Variants in FLOT1 observed in about 807,000 individuals in gnomAD.
The protein encoded by FLOT1 is flotillin 1.
A neutral mutation model predicts 58.4 loss-of-function variants in FLOT1; 40 were observed. That is an observed-to-expected ratio of 0.69 (90% confidence interval 0.53 to 0.89). FLOT1 has a LOEUF of 0.89. Among genes scored for constraint, FLOT1 ranks in the 40% least tolerant of loss-of-function variants. The pLI is 0.00. For missense variants in FLOT1, 423 were observed against 540.8 expected, an observed-to-expected ratio of 0.78 and a Z score of 2.16; for synonymous variants, 178 against 204.2, an observed-to-expected ratio of 0.87 and a Z score of 1.09.
At chr6:30,730,341 T>C in intron 11 of FLOT1, 87 bp downstream of exon 11, 1 of 1,505,276 alleles carries the variant, frequency 6.6e-7, no homozygotes, top group South Asian at 1.3e-5. Context: ...CCCCCTAGGC[T>C]GTTTCTCCCT....
Position 30,742,577 on chromosome 6 carries a change from C to A in FLOT1, c.-65G>T. ...GCTGGGGTCTCGGGAAGGGCGGGGTCGCGCAGGGACCTGGGAGCCGGGCAG... is the reference window on the plus strand; with the variant it reads ...GCTGGGGTCTCGGGAAGGGCGGGGTAGCGCAGGGACCTGGGAGCCGGGCAG... On this transcript the variant is annotated 5_prime_UTR_variant, in exon 1 of 13. Transcript: ENST00000376389. The surrounding 1 kb of genome is among the most constrained non-coding windows in gnomAD (Gnocchi z 5.2). 1 of 258,346 alleles carries A rather than the reference C, an allele frequency of 3.9e-6. No homozygotes were observed. The highest frequency in any genetic ancestry group is 9.7e-5 in the East Asian group (1 of 10,270). 16.0% of individuals were successfully genotyped at this position (258,346 alleles called of 1,614,324 possible). A position where few individuals can be genotyped will look rare whatever the true frequency, so the allele number is the denominator to read the frequency against.
rs1451765688 is a variant in FLOT1 at position 30,737,234 on chromosome 6, G to GTCCATCCATCCA, written c.723+2923_723+2924insTGGATGGATGGA. On this transcript the variant is annotated intron_variant, in intron 8 of 12. Transcript: ENST00000376389. This position sits in a 1 kb window ranked among gnomAD's most constrained non-coding sequence, Gnocchi z 4.4. The stretch of plus-strand genomic sequence containing the variant: ...CGTCCGTCCGTCCGTCCGTCCGTCC[G>GTCCATCCATCCA]TCCGTCCGTCCGTCCATCCGTCCAT... Among the ~76,000 whole-genome samples, 203 of 106,048 alleles carry GTCCATCCATCCA rather than the reference G, an allele frequency of 1.9e-3. 1 individual carries two copies. The highest frequency in any genetic ancestry group is 6.1e-3 in the Admixed American group (63 of 10,320). The allele number at this position is 106,048 out of a possible 152,430, so 69.6% of individuals were successfully genotyped here. A position where few individuals can be genotyped will look rare whatever the true frequency, so the allele number is the denominator to read the frequency against.
chr6:30,737,752 C>G lies in FLOT1; in HGVS notation c.723+2406G>C, dbSNP rs1777699009. On this transcript the variant is annotated intron_variant, in intron 8 of 12. Coordinates refer to ENST00000376389, the MANE Select transcript of FLOT1 (RefSeq NM_005803.4). The surrounding 1 kb of genome is among the most constrained non-coding windows in gnomAD (Gnocchi z 4.4). Reference sequence around the variant, plus strand: ...ATCACCCTGTTTATTTCCTTCACAGCACCTAAACAAGAATTATAGCCTGGG... The same window carrying G: ...ATCACCCTGTTTATTTCCTTCACAGGACCTAAACAAGAATTATAGCCTGGG... Among the ~76,000 whole-genome samples the G allele has an allele frequency of 6.6e-6, 1 of 152,168 alleles. No individual in the cohort carries two copies. Among genetic ancestry groups the G allele is most frequent in the Non-Finnish European group, 1.5e-5 (1 of 68,030 alleles).
chr6:30,731,321 C>T (rs1036515869), intron 8 of FLOT1, among the ~76,000 whole-genome samples: 1 of 151,968 alleles, frequency 6.6e-6, no homozygotes, highest in Non-Finnish European at 1.5e-5. Flanking sequence ...CCTGTCTCTA[C>T]TAAAATACAA....
chr6:30,741,535 TG>T lies in FLOT1; in HGVS notation c.210+78del. On this transcript the variant is annotated intron_variant, in intron 4 of 12. Coordinates refer to ENST00000376389, the MANE Select transcript of FLOT1 (RefSeq NM_005803.4). The surrounding 1 kb of genome is among the most constrained non-coding windows in gnomAD (Gnocchi z 5.9). Reference sequence around the variant, plus strand: ...CTGCAGGCAAGGGTTGAGAAGACTGTGGCCAGAAGATGTCTTAATGTCTGGG... The same window carrying T: ...CTGCAGGCAAGGGTTGAGAAGACTGTGCCAGAAGATGTCTTAATGTCTGGG... The T allele has an allele frequency of 7.5e-7, 1 of 1,326,440 alleles. No homozygotes were observed. The highest frequency in any genetic ancestry group is 1.1e-6 in the Non-Finnish European group (1 of 922,218). 82.2% of individuals were successfully genotyped at this position (1,326,440 alleles called of 1,614,324 possible). A position where few individuals can be genotyped will look rare whatever the true frequency, so the allele number is the denominator to read the frequency against.
rs1421520459 is a variant in FLOT1, at chr6:30,740,600, G to A, written c.475-9C>T. The stretch of plus-strand genomic sequence containing the variant: ...AAAGAGTGCAAATAGTCCTGTGGGA[G>A]AGATGTAGAAATTAGTCCTTTGGAG... On this transcript the variant is annotated splice_polypyrimidine_tract_variant and intron_variant, in intron 6 of 12. Transcript: ENST00000376389. 5.0e-6 allele frequency: 8 copies of A among 1,612,896 alleles called. No homozygotes were observed. In the Admixed American group the frequency reaches 5.0e-5, roughly 10 times the overall value.
rs1776835348 is a variant in FLOT1 at position 30,727,815 on chromosome 6, T to C, written c.*301A>G. ...TCCCTCAGTCTTGGTCAGGAAAATA[T>C]TCTAGACAACAGGCTCAAACAGTCT... is the stretch of plus-strand genomic sequence containing the variant. On this transcript the variant is annotated 3_prime_UTR_variant, in exon 13 of 13. Transcript: ENST00000376389. 1 of 545,416 alleles carries C rather than the reference T, an allele frequency of 1.8e-6. No homozygotes were observed. The highest frequency in any genetic ancestry group is 1.9e-5 in the African/African-American group (1 of 53,186). 33.8% of individuals were successfully genotyped at this position (545,416 alleles called of 1,614,324 possible).
chr6:30,736,988 C>T (rs186673929), intron 8 of FLOT1, among the ~76,000 whole-genome samples: 1 of 152,094 alleles, frequency 6.6e-6, no homozygotes, highest in Non-Finnish European at 1.5e-5. Flanking sequence ...TGAAGTTCTC[C>T]AATAGCTTTC....
intron 8 of FLOT1, among the ~76,000 whole-genome samples, chr6:30,735,409 C>T (rs931180591): frequency 6.7e-6 from 1 of 149,338 alleles, no homozygotes; most frequent in Non-Finnish European, 1.5e-5. Context: ...GCTAGCAGTT[C>T]GAGACCAGCC....
At chr6:30,735,553 C>T (rs1373703958) in intron 8 of FLOT1, among the ~76,000 whole-genome samples, 1 of 151,542 alleles carries the variant, frequency 6.6e-6, no homozygotes, top group Non-Finnish European at 1.5e-5. Context: ...TCATTTGAAC[C>T]CAGGAGGCAG....
Position 30,740,296 on chromosome 6 carries a change from C to G in FLOT1, c.585G>C (p.Lys195Asn). The part of the protein sequence containing the change: ...RDAGIREAKA[K>N]QEKVSAQYLS... ...GGTACTGAGCAGACACCTTTTCCTG[C>G]TTGGCTTTAGCTTCCTGTCCAAGCA... The change falls in exon 8 of 13, where the codon AAG becomes AAC. Residue 195 changes from lysine (K) to asparagine (N), a missense_variant. This residue lies in a region of FLOT1 where 137 missense variants were observed against 194.6 expected (regional missense o/e 0.70). Coordinates refer to ENST00000376389, the MANE Select transcript of FLOT1 (RefSeq NM_005803.4). 1 of 1,613,010 alleles carries G rather than the reference C, an allele frequency of 6.2e-7. No homozygotes were observed. The highest frequency in any genetic ancestry group is 8.5e-7 in the Non-Finnish European group (1 of 1,180,012).
intron 5 of FLOT1, 189 bp from the exon 6 acceptor site, chr6:30,740,987 A>T (rs753781500): frequency 3.1e-5 from 33 of 1,077,888 alleles, no homozygotes; most frequent in Non-Finnish European, 4.3e-5. Flanking sequence ...GGGTTTCACC[A>T]GGTTGGCTAG....
In FLOT1 at chr6:30,740,289, T is replaced by C; in HGVS notation, c.592A>G (p.Lys198Glu). 4 of 1,613,024 alleles carry C rather than the reference T, an allele frequency of 2.5e-6. No homozygotes were observed. The highest frequency in any genetic ancestry group is 3.4e-6 in the Non-Finnish European group (4 of 1,180,022). Residue 198 changes from lysine to glutamate, a missense_variant, in exon 8 of 13, where the codon AAG becomes GAG. Lys to Glu is a moderately conservative substitution (Grantham distance 56). Transcript: ENST00000376389. The stretch of plus-strand genomic sequence containing the variant: ...TCACTCAGGTACTGAGCAGACACCT[T>C]TTCCTGCTTGGCTTTAGCTTCCTGT... ...GIREAKAKQE[K>E]VSAQYLSEIE...
chr6:30,729,260 G>A (rs977851315), intron 12 of FLOT1, among the ~76,000 whole-genome samples: 2 of 151,142 alleles, frequency 1.3e-5, no homozygotes, highest in African/African-American at 4.9e-5. Context: ...TGTATTTTTA[G>A]TAAAGATGGT....
Position 30,740,506 on chromosome 6 carries a change from G to C in FLOT1, c.560C>G (p.Ala187Gly). 1 of 1,612,626 alleles carries C rather than the reference G, an allele frequency of 6.2e-7. No homozygotes were observed. Among genetic ancestry groups the C allele is most frequent in the African/African-American group, 1.3e-5 (1 of 75,010 alleles). ...CCCCATCTCTCTCACCCGGATCCCA[G>C]CATCTCTCTTGGCCTCTGCTTCTCC... ...RIGEAEAKRDAGIREAKAKQE... is the reference protein window; with the variant it reads ...RIGEAEAKRDGGIREAKAKQE... Residue 187 changes from alanine to glycine, a missense_variant, in exon 7 of 13, where the codon GCT (alanine) becomes GGT (glycine). Ala to Gly is a moderately conservative substitution (Grantham distance 60). This residue lies in a region of FLOT1 where 137 missense variants were observed against 194.6 expected (regional missense o/e 0.70). Transcript: ENST00000376389.
At chr6:30,735,132 T>G (rs1777475272) in intron 8 of FLOT1, among the ~76,000 whole-genome samples, 1 of 152,160 alleles carries the variant, frequency 6.6e-6, no homozygotes, top group Non-Finnish European at 1.5e-5. Context: ...TCTGATCTCT[T>G]TTTTGGAAGA....
intron 12 of FLOT1, among the ~76,000 whole-genome samples, chr6:30,729,535 T>G (rs1160567334): frequency 6.6e-6 from 1 of 152,220 alleles, no homozygotes; most frequent in African/African-American, 2.4e-5. Flanking sequence ...GTTGATTACT[T>G]GTCCAAGATT....
chr6:30,735,988 C>T (rs528358564), intron 8 of FLOT1, among the ~76,000 whole-genome samples: 3 of 151,980 alleles, frequency 2.0e-5, no homozygotes, highest in South Asian at 2.1e-4. Flanking sequence ...TGGTGGCTCA[C>T]GCCTGTAATC....
Position 30,741,425 on chromosome 6 carries a change from G to C in FLOT1, c.211-92C>G. 6.6e-7 allele frequency: 1 copy of C among 1,519,774 alleles called. No individual in the cohort carries two copies. Among genetic ancestry groups the C allele is most frequent in the Non-Finnish European group, 9.1e-7 (1 of 1,104,476 alleles). The allele number at this position is 1,519,774 out of a possible 1,614,324, so 94.1% of individuals were successfully genotyped here. On this transcript the variant is annotated intron_variant, in intron 4 of 12. Transcript: ENST00000376389. This position sits in a 1 kb window ranked among gnomAD's most constrained non-coding sequence, Gnocchi z 5.9. ...GAGAAGGGAGAGCCCTCTAAGAAATGCTTCTTCCATTTCAGGGAAAGAAAG... is the reference window on the plus strand; with the variant it reads ...GAGAAGGGAGAGCCCTCTAAGAAATCCTTCTTCCATTTCAGGGAAAGAAAG...
Sources: allele counts gnomAD v4.1 joint callset (sites outside exome capture counted in the v4.1 genomes callset), GRCh38; gene constraint gnomAD v4.1.1; regional missense constraint gnomAD v4.1.1; non-coding constraint Gnocchi (gnomAD v3.1); transcripts MANE v1.5; gene names NCBI Gene and HGNC (gene_info 2026-07-23, HGNC 2026-07-21).